Variants in LOC400499 observed in about 807,000 individuals in gnomAD.
chr16:11,469,662 G>A, the LOC400499 span: 6 of 399,000 alleles, frequency 1.5e-5, no homozygotes, highest in African/African-American at 2.1e-5. Flanking sequence ...GGAACCAGCT[G>A]CCCTTCTGGA....
At chr16:11,500,400 A>G in the LOC400499 span, among the ~76,000 whole-genome samples, 1 of 151,980 alleles carries the variant, frequency 6.6e-6, no homozygotes, top group East Asian at 1.9e-4. Flanking sequence ...AGTCCCAGCT[A>G]CTTGGGAGGC....
At chr16:11,386,679 A>G in the LOC400499 span, among the ~76,000 whole-genome samples, 3 of 152,202 alleles carry the variant, frequency 2.0e-5, no homozygotes, top group Non-Finnish European at 4.4e-5. Context: ...TCACCTGGCC[A>G]CACAGCATTT....
chr16:11,472,193 T>G, the LOC400499 span: 1 of 165,368 alleles, frequency 6.0e-6, no homozygotes, highest in South Asian at 2.0e-4. Context: ...GTAGACTTTT[T>G]CTTTTTTTTT....
chr16:11,410,009 G>T, the LOC400499 span, among the ~76,000 whole-genome samples: 3 of 152,164 alleles, frequency 2.0e-5, no homozygotes, highest in Non-Finnish European at 4.4e-5. Flanking sequence ...GCCAGGTGTG[G>T]TGGTACCACC....
the LOC400499 span, among the ~76,000 whole-genome samples, chr16:11,397,150 C>G: frequency 0.29 from 43,985 of 152,108 alleles, 6,574 homozygotes; most frequent in Middle Eastern, 0.36. Flanking sequence ...TTCACATCCA[C>G]TCCCTGCACC....
At chr16:11,515,131 C>T in the LOC400499 span, among the ~76,000 whole-genome samples, 4 of 152,068 alleles carry the variant, frequency 2.6e-5, no homozygotes, top group Non-Finnish European at 5.9e-5. Context: ...CATAGCAAGA[C>T]ATTATCTCTA....
the LOC400499 span, chr16:11,508,677 C>A: frequency 2.5e-6 from 1 of 398,968 alleles, no homozygotes; most frequent in Non-Finnish European, 4.4e-6. Context: ...GACTCAGGGC[C>A]AAGAAAGACT....
the LOC400499 span, among the ~76,000 whole-genome samples, chr16:11,491,039 T>C: frequency 6.6e-6 from 1 of 152,198 alleles, no homozygotes; most frequent in African/African-American, 2.4e-5. Flanking sequence ...TCTTTGTGTA[T>C]TAACTCATTT....
the LOC400499 span, among the ~76,000 whole-genome samples, chr16:11,502,575 AT>A: frequency 2.0e-5 from 3 of 151,568 alleles, no homozygotes; most frequent in Non-Finnish European, 2.9e-5. Context: ...TATTTCAAAT[AT>A]TTAGCGAGGT....
chr16:11,452,316 TCAGA>T, the LOC400499 span, among the ~76,000 whole-genome samples: 7 of 151,956 alleles, frequency 4.6e-5, no homozygotes. Flanking sequence ...TCTGTTGCTT[TCAGA>T]CAGAATTGGG....
At chr16:11,497,522 G>C in the LOC400499 span, among the ~76,000 whole-genome samples, 1 of 152,228 alleles carries the variant, frequency 6.6e-6, no homozygotes, top group African/African-American at 2.4e-5. Context: ...GGCACAGACA[G>C]GGCAGGCTCG....
chr16:11,390,133 G>C, the LOC400499 span: 1 of 1,232,348 alleles, frequency 8.1e-7, no homozygotes, highest in Middle Eastern at 3.1e-4. Flanking sequence ...AGGTCCAGCA[G>C]TGGTTTGCAG....
chr16:11,396,490 A>G, the LOC400499 span: 12 of 1,232,032 alleles, frequency 9.7e-6, no homozygotes, highest in Admixed American at 1.3e-4. Context: ...AGGGACTGTC[A>G]GCCCCATCCT....
the LOC400499 span, among the ~76,000 whole-genome samples, chr16:11,445,641 C>A: frequency 6.6e-6 from 1 of 152,186 alleles, no homozygotes; most frequent in South Asian, 2.1e-4. Flanking sequence ...TGCGAAGAGG[C>A]TGGATGAGGC....
chr16:11,443,050 G>T, the LOC400499 span, among the ~76,000 whole-genome samples: 1 of 152,124 alleles, frequency 6.6e-6, no homozygotes, highest in African/African-American at 2.4e-5. Context: ...ATGGCCGGGC[G>T]TGGTGGTTCA....
chr16:11,449,944 A>G, the LOC400499 span, among the ~76,000 whole-genome samples: 34 of 152,210 alleles, frequency 2.2e-4, no homozygotes, highest in African/African-American at 8.0e-4. Flanking sequence ...GAAGGGCAGG[A>G]GCCGGCTAGC....
the LOC400499 span, among the ~76,000 whole-genome samples, chr16:11,481,935 A>T: frequency 6.6e-6 from 1 of 152,166 alleles, no homozygotes; most frequent in African/African-American, 2.4e-5. Flanking sequence ...ATGCCCGGCC[A>T]ATTGCTCACG....
chr16:11,518,261 A>G, the LOC400499 span, among the ~76,000 whole-genome samples: 3 of 152,178 alleles, frequency 2.0e-5, no homozygotes, highest in Non-Finnish European at 4.4e-5. Context: ...TAACAAATGA[A>G]TTTGCAATAA....
At chr16:11,483,476 G>C in the LOC400499 span, among the ~76,000 whole-genome samples, 1 of 152,234 alleles carries the variant, frequency 6.6e-6, no homozygotes, top group East Asian at 1.9e-4. Flanking sequence ...GCAATAAAAA[G>C]AAAGAAACTA....
Sources: allele counts gnomAD v4.1 joint callset (sites outside exome capture counted in the v4.1 genomes callset), GRCh38; gene constraint gnomAD v4.1.1; transcripts MANE v1.5.